The following LSAMP variants were observed in gnomAD, a reference collection of about 807,000 sequenced individuals.
The protein encoded by LSAMP is limbic system associated membrane protein, also known as limbic system-associated membrane protein.
In LSAMP, 7 loss-of-function variants were observed where a neutral mutation model predicts 38.6. That is an observed-to-expected ratio of 0.18 (90% CI 0.10 to 0.34). LSAMP has a LOEUF of 0.34. Ranked by LOEUF, LSAMP falls within the 10% of genes least tolerant of loss-of-function variation. LSAMP has a pLI of 1.00. For synonymous variants in LSAMP, 154 were observed against 166.8 expected (o/e 0.92, Z 0.59); for missense variants, 313 against 420.0 (o/e 0.75, Z 2.23).
intron 2 of LSAMP, among the ~76,000 whole-genome samples, chr3:116,078,063 T>A (rs1707785596): frequency 6.6e-6 from 1 of 152,106 alleles, no homozygotes; most frequent in Non-Finnish European, 1.5e-5. Context: ...ACTACTTTTT[T>A]AATTAGTCTT....
intron 1 of LSAMP, among the ~76,000 whole-genome samples, chr3:116,169,028 C>T (rs559900387): frequency 2.4e-4 from 37 of 152,216 alleles, no homozygotes; most frequent in African/African-American, 8.2e-4. Flanking sequence ...CAGCAAGACA[C>T]GGTTTTCACA....
intron 1 of LSAMP, among the ~76,000 whole-genome samples, chr3:116,191,100 G>A (rs1292519647): frequency 6.6e-6 from 1 of 152,170 alleles, no homozygotes; most frequent in African/African-American, 2.4e-5. Context: ...ACTCGTGCCT[G>A]TAGTCCCAGC....
intron 1 of LSAMP, among the ~76,000 whole-genome samples, chr3:116,105,326 C>T (rs1708439432): frequency 6.6e-6 from 1 of 152,134 alleles, no homozygotes; most frequent in African/African-American, 2.4e-5. Context: ...CCAGCTTCTC[C>T]AGCAGTCTAC....
chr3:115,880,881 C>CA (rs886181973), intron 3 of LSAMP, among the ~76,000 whole-genome samples: 6 of 151,452 alleles, frequency 4.0e-5, no homozygotes, highest in South Asian at 2.1e-4. Context: ...ACCAAAAATA[C>CA]AAAAAAATGA....
chr3:116,411,757 C>T (rs1223837153), intron 1 of LSAMP, among the ~76,000 whole-genome samples: 1 of 149,164 alleles, frequency 6.7e-6, no homozygotes, highest in African/African-American at 2.5e-5. Context: ...GCACATGTAC[C>T]CTAAAACTTA....
intron 2 of LSAMP, among the ~76,000 whole-genome samples, chr3:116,039,997 G>T (rs557679442): frequency 2.0e-5 from 3 of 149,002 alleles, no homozygotes; most frequent in Non-Finnish European, 2.9e-5. Context: ...CTCTCTTTGG[G>T]GGGGGAAAAA....
intron 1 of LSAMP, among the ~76,000 whole-genome samples, chr3:116,420,893 A>G (rs932380800): frequency 3.3e-5 from 5 of 152,180 alleles, no homozygotes; most frequent in African/African-American, 4.8e-5. Flanking sequence ...ATAAATATAT[A>G]AATAAATTGG....
chr3:115,872,941 CAT>C lies in LSAMP; in HGVS notation c.515-20326_515-20325del, dbSNP rs569256816. On this transcript the variant is annotated intron_variant, in intron 3 of 6. Coordinates refer to ENST00000490035, the MANE Select transcript of LSAMP (RefSeq NM_002338.5). The stretch of plus-strand genomic sequence containing the variant: ...TACTAGTTTAATTAAGGAAGTATAA[CAT>C]ATGTATGAAACATATATGATACATA... Among the ~76,000 whole-genome samples, 123 of 152,242 alleles carry C rather than the reference CAT, an allele frequency of 8.1e-4. 1 individual carries two copies. The highest frequency in any genetic ancestry group is 4.2e-3 in the East Asian group (22 of 5,184).
rs1576137017 is a variant in LSAMP, at chr3:115,842,970, C to T, written c.650-392G>A. On this transcript the variant is annotated intron_variant, in intron 4 of 6. Transcript: ENST00000490035. ...TTAGGAATCTCAACATATAATTTGA[C>T]CATTTTTCTTTTTCTTCTTGTCATT... 2.6e-5 allele frequency among the ~76,000 whole-genome samples: 4 copies of T among 152,204 alleles called. 1 individual carries two copies. In the South Asian group the frequency reaches 8.3e-4, roughly 32 times the overall value.
At chr3:116,117,035 G>A (rs1708767886) in intron 1 of LSAMP, among the ~76,000 whole-genome samples, 1 of 152,184 alleles carries the variant, frequency 6.6e-6, no homozygotes, top group Admixed American at 6.5e-5. Flanking sequence ...TGAATCTTGA[G>A]ATATAACAAA....
At chr3:116,117,618 G>C (rs796856232) in intron 1 of LSAMP, among the ~76,000 whole-genome samples, 15 of 152,248 alleles carry the variant, frequency 9.9e-5, no homozygotes, top group African/African-American at 3.6e-4. Context: ...TCTCTTGGCT[G>C]TGATAGCTTC....
intron 1 of LSAMP, among the ~76,000 whole-genome samples, chr3:116,331,427 A>T (rs1250133495): frequency 1.3e-5 from 2 of 152,202 alleles, no homozygotes; most frequent in African/African-American, 2.4e-5. Context: ...CAAGTAACTC[A>T]AAGAGCCTCA....
chr3:115,853,170 A>G (rs758780018), intron 3 of LSAMP, among the ~76,000 whole-genome samples: 5 of 152,244 alleles, frequency 3.3e-5, no homozygotes, highest in Non-Finnish European at 4.4e-5. Context: ...TTACACCAAC[A>G]TTGTTATTAG....
At chr3:115,992,179 A>G (rs1048525035) in intron 3 of LSAMP, among the ~76,000 whole-genome samples, 4 of 152,036 alleles carry the variant, frequency 2.6e-5, no homozygotes, top group Admixed American at 2.6e-4. Flanking sequence ...TTGCCAGATG[A>G]GATGTCCCCA....
At chr3:116,394,075 GT>G (rs2107816677) in intron 1 of LSAMP, among the ~76,000 whole-genome samples, 1 of 152,124 alleles carries the variant, frequency 6.6e-6, no homozygotes, top group East Asian at 1.9e-4. Flanking sequence ...ACCTGTTTTT[GT>G]TTCCTTTCTA....
chr3:116,197,163 A>ACACACACACTCTCTCTCTCTCTCT lies in LSAMP; in HGVS notation c.156-110608_156-110607insAGAGAGAGAGAGAGAGTGTGTGTG, dbSNP rs1268040540. Among the ~76,000 whole-genome samples, 196 of 139,176 alleles carry ACACACACACTCTCTCTCTCTCTCT rather than the reference A, an allele frequency of 1.4e-3. 1 individual carries two copies. Among genetic ancestry groups the ACACACACACTCTCTCTCTCTCTCT allele is most frequent in the African/African-American group, 4.8e-3 (188 of 38,778 alleles). The allele number at this position is 139,176 out of a possible 152,430, so 91.3% of individuals were successfully genotyped here. A position where few individuals can be genotyped will look rare whatever the true frequency, so the allele number is the denominator to read the frequency against. On this transcript the variant is annotated intron_variant, in intron 1 of 6. Coordinates refer to ENST00000490035, the MANE Select transcript of LSAMP (RefSeq NM_002338.5). ...CACACACACACACACACACACACAC[A>ACACACACACTCTCTCTCTCTCTCT]CTCTCTCTCTCTCTCACTCACTTTG...
At chr3:116,113,793 A>T (rs1043480147) in intron 1 of LSAMP, among the ~76,000 whole-genome samples, 6 of 151,982 alleles carry the variant, frequency 3.9e-5, no homozygotes, top group African/African-American at 7.3e-5. Flanking sequence ...TGTTTTTATT[A>T]TTACTGATAT....
Position 116,275,403 on chromosome 3 carries a change from A to T in LSAMP, c.155+169474T>A, listed in dbSNP as rs72947977. ...TATTCTTCTCTTTAAAATAATGTCT[A>T]AAAAAATTATGTTTAAGCAACCTTG... On this transcript the variant is annotated intron_variant, in intron 1 of 6. Coordinates refer to ENST00000490035, the MANE Select transcript of LSAMP (RefSeq NM_002338.5). Among the ~76,000 whole-genome samples, 255 of 152,246 alleles carry T rather than the reference A, an allele frequency of 1.7e-3. 1 individual carries two copies. Among genetic ancestry groups the T allele is most frequent in the African/African-American group, 5.8e-3 (240 of 41,554 alleles).
chr3:116,170,127 A>C (rs1710160327), intron 1 of LSAMP, among the ~76,000 whole-genome samples: 1 of 152,196 alleles, frequency 6.6e-6, no homozygotes, highest in Non-Finnish European at 1.5e-5. Flanking sequence ...GTTGCTCTTC[A>C]ATAAGGCAAT....
Sources: gnomAD v4.1 joint callset for allele counts (sites outside exome capture counted in the v4.1 genomes callset) on GRCh38, gnomAD v4.1.1 for gene constraint, MANE v1.5 for transcripts, NCBI Gene and HGNC (gene_info 2026-07-23, HGNC 2026-07-21) for gene names.